The following BCAR1 variants were observed in gnomAD, a reference collection of about 807,000 sequenced individuals.
BCAR1 encodes the protein breast cancer anti-estrogen resistance protein 1.
A neutral mutation model predicts 67.6 loss-of-function variants in BCAR1; 30 were observed. The observed-to-expected ratio is 0.44, with a 90% CI of 0.33 to 0.60. BCAR1 has a LOEUF of 0.60. Ranked by LOEUF, BCAR1 falls within the 20% of genes least tolerant of loss-of-function variation. The pLI is 0.02. For synonymous variants in BCAR1, 626 were observed against 556.7 expected (o/e 1.12, Z -1.75); for missense variants, 1,313 against 1,222.3 (o/e 1.07, Z -1.11).
intron 2 of BCAR1, among the ~76,000 whole-genome samples, chr16:75,241,583 G>A (rs1463657291): frequency 3.9e-5 from 6 of 152,212 alleles, no homozygotes; most frequent in Non-Finnish European, 8.8e-5. Context: ...GCAGGAAGTG[G>A]GAGCCAGTGA....
At position 75,245,964 on chromosome 16, in the gene BCAR1, C is replaced by CTTTTTTTTTTTTTTTTTTTTTTTTT. The variant is rs60320561; in HGVS notation, c.13-2899_13-2875dup. The stretch of plus-strand genomic sequence containing the variant: ...ACAGCCCTCATTTCATAGGATTGTT[C>CTTTTTTTTTTTTTTTTTTTTTTTTT]TTTTTTTTTTTTTTTTTTTTTTTTT... On this transcript the variant is annotated intron_variant, in intron 1 of 6. Coordinates refer to ENST00000162330, the MANE Select transcript of BCAR1 (RefSeq NM_014567.5). 2.0e-4 allele frequency: 10 copies of CTTTTTTTTTTTTTTTTTTTTTTTTT among 49,634 alleles called. 2 individuals are homozygous for CTTTTTTTTTTTTTTTTTTTTTTTTT. Among genetic ancestry groups the CTTTTTTTTTTTTTTTTTTTTTTTTT allele is most frequent in the African/African-American group, 3.0e-4 (4 of 13,138 alleles). The allele number at this position is 49,634 out of a possible 1,614,324, so 3.1% of individuals were successfully genotyped here. A position where few individuals can be genotyped will look rare whatever the true frequency, so the allele number is the denominator to read the frequency against.
chr16:75,249,479 T>C (rs117974678), intron 1 of BCAR1: 4,575 of 152,336 alleles, frequency 0.03, 101 homozygotes, highest in Middle Eastern at 0.12. Flanking sequence ...CCTGCAGCCC[T>C]TTATCTGGGG....
At chr16:75,266,023 C>A (rs2078003679) in intron 1 of BCAR1, 4 of 1,020,670 alleles carry the variant, frequency 3.9e-6, no homozygotes, top group East Asian at 9.6e-5. Flanking sequence ...GCCCGCGCCG[C>A]CCCCCCCACC....
intron 2 of BCAR1, chr16:75,239,103 A>C (rs1040691762): frequency 3.0e-6 from 3 of 985,246 alleles, no homozygotes; most frequent in African/African-American, 1.7e-5. Context: ...ACAGTGACCA[A>C]ATGTTTCTGT....
intron 2 of BCAR1, among the ~76,000 whole-genome samples, chr16:75,240,319 G>A (rs1406404071): frequency 6.6e-6 from 1 of 152,198 alleles, no homozygotes; most frequent in African/African-American, 2.4e-5. Flanking sequence ...TTGGAGGGGA[G>A]CACCTGGAGG....
At chr16:75,265,956 C>T (rs2078001443) in intron 1 of BCAR1, 1 of 1,078,024 alleles carries the variant, frequency 9.3e-7, no homozygotes, top group Non-Finnish European at 1.1e-6. Flanking sequence ...CCTCCGGCTC[C>T]TGAGCGTTCC....
upstream of BCAR1, chr16:75,252,439 G>A (rs2077701140): frequency 7.0e-6 from 10 of 1,433,488 alleles, no homozygotes; most frequent in South Asian, 1.2e-4. Context: ...TCACTCGGGG[G>A]AAACCGAGTG....
At chr16:75,252,893 G>A (rs2151465503), upstream of BCAR1, among the ~76,000 whole-genome samples, 1 of 152,250 alleles carries the variant, frequency 6.6e-6, no homozygotes, top group South Asian at 2.1e-4. Context: ...ATGATTTGCT[G>A]CTCAGGTGCT....
At chr16:75,267,334 G>A (rs11864959) in intron 1 of BCAR1, among the ~76,000 whole-genome samples, 15,560 of 149,116 alleles carry the variant, frequency 0.1, 1,724 homozygotes, top group African/African-American at 0.28. Context: ...GCACATCAGC[G>A]TCCGCAGCCC....
At position 75,233,145 on chromosome 16, in the gene BCAR1, G is replaced by A. The variant is rs572044888; in HGVS notation, c.2100+701C>T. 2.1e-3 allele frequency among the ~76,000 whole-genome samples: 317 copies of A among 152,328 alleles called. 1 individual carries two copies. The highest frequency in any genetic ancestry group is 7.0e-3 in the South Asian group (34 of 4,824). Reference sequence around the variant, plus strand: ...CCAGCACTTTGGGAGGCCAAGGCAGGTGGATCGTTTGAGCCCAGGTGTTTG... The same window carrying A: ...CCAGCACTTTGGGAGGCCAAGGCAGATGGATCGTTTGAGCCCAGGTGTTTG... On this transcript the variant is annotated intron_variant, in intron 6 of 6. Transcript: ENST00000162330.
intron 1 of BCAR1, among the ~76,000 whole-genome samples, chr16:75,267,203 G>T (rs758735163): frequency 2.0e-5 from 3 of 152,222 alleles, no homozygotes; most frequent in Admixed American, 6.5e-5. Context: ...ATGAGAGAAA[G>T]AGGGAAATCC....
chr16:75,265,661 G>A lies in BCAR1; in HGVS notation c.66+2254C>T, dbSNP rs948049460. 7.2e-5 allele frequency among the ~76,000 whole-genome samples: 11 copies of A among 151,992 alleles called. No homozygotes were observed. In the East Asian group the frequency reaches 1.8e-3, roughly 24 times the overall value. ...GCGGGGGCAGAGAGGCCGGCTTGGG[G>A]GAGCCTCCCCCAGCCGGTGCGCTCT... On this transcript the variant is annotated intron_variant, in intron 1 of 6. Coordinates refer to the BCAR1 transcript ENST00000393422.
rs150047337 is a variant in BCAR1 at position 75,237,299 on chromosome 16, C to T, written c.679G>A (p.Ala227Thr). 58 of 1,521,510 alleles carry T rather than the reference C, an allele frequency of 3.8e-5. No homozygotes were observed. The highest frequency in any genetic ancestry group is 3.4e-4 in the African/African-American group (24 of 71,470). The allele number at this position is 1,521,510 out of a possible 1,614,324, so 94.3% of individuals were successfully genotyped here. ...TCGTACTCGTCCTGCTCCGGCTGGG[C>T]GGCCTCGTATACATAGCCCTGCCCC... ...RVGQGYVYEA[A>T]QPEQDEYDIP... The change falls in exon 3 of 7, where the codon GCC (alanine) becomes ACC (threonine). Residue 227 changes from alanine (A) to threonine (T), a missense_variant. Physicochemically the swap from Ala to Thr is moderately conservative, Grantham distance 58. This residue lies in a region of BCAR1 where 1,272 missense variants were observed against 1,137.5 expected (regional missense o/e 1.12). Transcript: ENST00000162330.
At chr16:75,234,060 C>A (rs1277448012) in intron 5 of BCAR1, 125 bp from the exon 6 acceptor site, 2 of 815,464 alleles carry the variant, frequency 2.5e-6, no homozygotes, top group South Asian at 1.6e-5. Context: ...CGCACACACA[C>A]GCACACGTGG....
rs1231688361 is a variant in BCAR1, at chr16:75,229,613, G to A, written c.2511C>T (p.Tyr837=). Residue 837 remains tyrosine (Y), a synonymous_variant, in exon 7 of 7, where the codon TAC becomes TAT. Coordinates refer to ENST00000162330, the MANE Select transcript of BCAR1 (RefSeq NM_014567.5). ...VATTKAAALQ[Y]PSPSAAQDMV... is the part of the protein sequence containing the mutation. Reference sequence around the variant, plus strand: ...TGTCCTGGGCCGCGGAAGGCGATGGGTACTGCAAGGCAGCGGCCTTGGTGG... The same window carrying A: ...TGTCCTGGGCCGCGGAAGGCGATGGATACTGCAAGGCAGCGGCCTTGGTGG... 1 of 1,612,258 alleles carries A rather than the reference G, an allele frequency of 6.2e-7. No individual in the cohort carries two copies. Among genetic ancestry groups the A allele is most frequent in the Non-Finnish European group, 8.5e-7 (1 of 1,179,822 alleles).
Position 75,242,643 on chromosome 16 carries a change from G to C in BCAR1, c.460C>G (p.His154Asp). The C allele has an allele frequency of 6.6e-7, 1 of 1,521,958 alleles. No individual in the cohort carries two copies. Among genetic ancestry groups the C allele is most frequent in the South Asian group, 1.3e-5 (1 of 75,916 alleles). The allele number at this position is 1,521,958 out of a possible 1,614,324, so 94.3% of individuals were successfully genotyped here. A position where few individuals can be genotyped will look rare whatever the true frequency, so the allele number is the denominator to read the frequency against. ...QTSTFSKQTP[H>D]HPFPSPATDL... Reference sequence around the variant, plus strand: ...GTGGCCGGGCTGGGAAACGGGTGATGGGGTGTCTGCTTCGAGAAGGTGGAT... The same window carrying C: ...GTGGCCGGGCTGGGAAACGGGTGATCGGGTGTCTGCTTCGAGAAGGTGGAT... The change falls in exon 2 of 7, where the codon CAT becomes GAT. Residue 154 changes from histidine (H) to aspartate (D), a missense_variant. By Grantham distance (81) the His-to-Asp change is moderately conservative. Coordinates refer to ENST00000162330, the MANE Select transcript of BCAR1 (RefSeq NM_014567.5).
At chr16:75,232,170 A>T (rs1224860718) in intron 6 of BCAR1, among the ~76,000 whole-genome samples, 1 of 133,490 alleles carries the variant, frequency 7.5e-6, no homozygotes, top group Non-Finnish European at 1.6e-5. Flanking sequence ...ATTTTATTTT[A>T]TTTTTTTTGA....
intron 5 of BCAR1, among the ~76,000 whole-genome samples, chr16:75,234,473 C>A (rs2077027788): frequency 6.6e-6 from 1 of 152,204 alleles, no homozygotes; most frequent in African/African-American, 2.4e-5. Flanking sequence ...GCCTCTCTGG[C>A]CCAGCTCAGC....
chr16:75,240,515 T>A (rs2077302412), intron 2 of BCAR1, among the ~76,000 whole-genome samples: 2 of 152,210 alleles, frequency 1.3e-5, no homozygotes, highest in African/African-American at 4.8e-5. Flanking sequence ...GATTTACAAC[T>A]TTGAAATGCA....
Sources: gnomAD v4.1 joint callset for allele counts (sites outside exome capture counted in the v4.1 genomes callset) on GRCh38, gnomAD v4.1.1 for gene constraint, gnomAD v4.1.1 regional missense constraint, MANE v1.5 for transcripts, NCBI Gene and HGNC (gene_info 2026-07-23, HGNC 2026-07-21) for gene names.